Variants in LINGO2 observed in about 807,000 individuals in gnomAD.
LINGO2 encodes the protein leucine-rich repeat and immunoglobulin-like domain-containing nogo receptor-interacting protein 2.
Under a neutral mutation model 30.6 loss-of-function variants are expected in LINGO2, and 14 were observed. The observed-to-expected ratio is 0.46, with a 90% CI of 0.30 to 0.72. LINGO2 has a LOEUF of 0.72. LINGO2 is among the 30% of genes least tolerant of loss of function. The pLI is 0.07. For synonymous variants in LINGO2, 317 were observed against 288.5 expected (o/e 1.10, Z -1.00); for missense variants, 729 against 751.7 (o/e 0.97, Z 0.35).
chr9:28,408,140 T>A (rs1822588419), intron 2 of LINGO2, among the ~76,000 whole-genome samples: 1 of 152,170 alleles, frequency 6.6e-6, no homozygotes, highest in South Asian at 2.1e-4. Flanking sequence ...AACACTCGTC[T>A]AGGTTCATAT....
chr9:29,116,692 A>G, the LINGO2 span, among the ~76,000 whole-genome samples: 1 of 152,022 alleles, frequency 6.6e-6, no homozygotes, highest in African/African-American at 2.4e-5. Context: ...AAAAAAAAAA[A>G]GCAAAAACTT....
chr9:28,898,695 C>T, the LINGO2 span, among the ~76,000 whole-genome samples: 19 of 151,746 alleles, frequency 1.3e-4, no homozygotes, highest in Non-Finnish European at 2.5e-4. Flanking sequence ...TTTGACTTCC[C>T]GAAACACTAC....
chr9:28,059,414 A>G (rs1183864429), intron 4 of LINGO2, among the ~76,000 whole-genome samples: 1 of 151,222 alleles, frequency 6.6e-6, no homozygotes, highest in East Asian at 1.9e-4. Flanking sequence ...CAATCCTTTG[A>G]CTCCGCCGGT....
At chr9:28,022,128 A>C (rs916362384) in intron 4 of LINGO2, among the ~76,000 whole-genome samples, 1 of 152,014 alleles carries the variant, frequency 6.6e-6, no homozygotes, top group Admixed American at 6.6e-5. Context: ...TACCTTATTA[A>C]ATTTTATTAA....
At chr9:28,980,134 C>A in the LINGO2 span, among the ~76,000 whole-genome samples, 1 of 152,146 alleles carries the variant, frequency 6.6e-6, no homozygotes, top group East Asian at 1.9e-4. Context: ...AAATTAATGA[C>A]CTTTTTTCCT....
the LINGO2 span, among the ~76,000 whole-genome samples, chr9:28,754,202 C>A: frequency 6.6e-6 from 1 of 152,012 alleles, no homozygotes; most frequent in Non-Finnish European, 1.5e-5. Flanking sequence ...ATACAAGATT[C>A]TTCTTCCATT....
chr9:29,175,118 G>T, the LINGO2 span, among the ~76,000 whole-genome samples: 1 of 152,094 alleles, frequency 6.6e-6, no homozygotes, highest in Admixed American at 6.5e-5. Context: ...AACTAGCTGG[G>T]TGTGGTGGTG....
the LINGO2 span, among the ~76,000 whole-genome samples, chr9:28,795,168 G>C: frequency 6.6e-6 from 1 of 152,082 alleles, no homozygotes; most frequent in Admixed American, 6.6e-5. Flanking sequence ...AAGAAGTCTA[G>C]CTCCACCCTT....
chr9:28,848,385 GTGTGTGTGTGTGTATATA>G, the LINGO2 span, among the ~76,000 whole-genome samples: 2 of 54,414 alleles, frequency 3.7e-5, no homozygotes, highest in Non-Finnish European at 7.5e-5. Context: ...GTGTGTGTGT[GTGTGTGTGTGTGTATATA>G]TATATATATA....
the LINGO2 span, among the ~76,000 whole-genome samples, chr9:28,714,164 A>AATATATATATATATATATATATAT: frequency 4.2e-3 from 485 of 116,532 alleles, 2 homozygotes; most frequent in Non-Finnish European, 5.5e-3. Context: ...TGCCTCAAAT[A>AATATATATATATATATATATATAT]ATATATATAT....
chr9:28,774,496 A>C, the LINGO2 span, among the ~76,000 whole-genome samples: 1 of 152,142 alleles, frequency 6.6e-6, no homozygotes, highest in Non-Finnish European at 1.5e-5. Context: ...ATATACACAC[A>C]CACATTATAG....
At chr9:28,125,100 A>G (rs905196713) in intron 4 of LINGO2, among the ~76,000 whole-genome samples, 1 of 152,232 alleles carries the variant, frequency 6.6e-6, no homozygotes, top group Non-Finnish European at 1.5e-5. Flanking sequence ...GCCAGAAAAC[A>G]CAAAGTGAAG....
At chr9:28,632,841 A>T (rs1168343653) in intron 1 of LINGO2, among the ~76,000 whole-genome samples, 1 of 97,736 alleles carries the variant, frequency 1.0e-5, no homozygotes, top group African/African-American at 5.0e-5. Flanking sequence ...ATATATATAA[A>T]TCTATATATA....
At chr9:28,864,807 G>A in the LINGO2 span, among the ~76,000 whole-genome samples, 1 of 151,980 alleles carries the variant, frequency 6.6e-6, no homozygotes, top group Non-Finnish European at 1.5e-5. Flanking sequence ...TAGAAAATAT[G>A]TATGTATGAA....
the LINGO2 span, among the ~76,000 whole-genome samples, chr9:28,846,997 A>T: frequency 6.8e-6 from 1 of 147,802 alleles, no homozygotes; most frequent in Non-Finnish European, 1.5e-5. Context: ...CTATACCCAG[A>T]TGATGGCTCT....
intron 2 of LINGO2, among the ~76,000 whole-genome samples, chr9:28,409,331 ACATTT>A (rs1221637222): frequency 1.3e-5 from 2 of 152,124 alleles, no homozygotes; most frequent in African/African-American, 4.8e-5. Context: ...CACCCACTTC[ACATTT>A]CCTTTATGAA....
At chr9:29,068,930 G>C in the LINGO2 span, among the ~76,000 whole-genome samples, 1 of 151,814 alleles carries the variant, frequency 6.6e-6, no homozygotes, top group Non-Finnish European at 1.5e-5. Flanking sequence ...TACTTGTTAA[G>C]TCATAATGGC....
At chr9:28,529,592 G>A (rs1014003941) in intron 1 of LINGO2, among the ~76,000 whole-genome samples, 40 of 149,520 alleles carry the variant, frequency 2.7e-4, no homozygotes, top group African/African-American at 9.9e-4. Flanking sequence ...AAGACCAGTT[G>A]CAAATTGCAA....
At chr9:28,565,696 C>A (rs549071571) in intron 1 of LINGO2, among the ~76,000 whole-genome samples, 5 of 151,656 alleles carry the variant, frequency 3.3e-5, no homozygotes, top group East Asian at 2.0e-4. Flanking sequence ...GGACTACAGG[C>A]GCCCACCACC....
Sources: allele counts gnomAD v4.1 joint callset (sites outside exome capture counted in the v4.1 genomes callset), GRCh38; gene constraint gnomAD v4.1.1; transcripts MANE v1.5; gene names NCBI Gene and HGNC (gene_info 2026-07-23, HGNC 2026-07-21).